PHF7: variants seen among roughly 807,000 people sequenced by gnomAD.
The protein encoded by PHF7 is E3 ubiquitin-protein ligase PHF7.
PHF7 carries 24 observed loss-of-function variants against 47.5 expected under a neutral mutation model. That is an observed-to-expected ratio of 0.51 (90% CI 0.37 to 0.71). The LOEUF is 0.71. Among genes scored for constraint, PHF7 ranks in the 30% least tolerant of loss-of-function variants. PHF7 has a pLI of 0.00. For synonymous variants in PHF7, 156 were observed against 153.8 expected (o/e 1.01, Z -0.11); for missense variants, 361 against 456.8 (o/e 0.79, Z 1.91).
intron 7 of PHF7, 115 bp from the exon 8 acceptor site, chr3:52,421,533 C>A (rs1705790350): frequency 1.4e-6 from 1 of 713,282 alleles, no homozygotes; most frequent in African/African-American, 1.8e-5. Flanking sequence ...ACTCCTTTTC[C>A]TGTACCCTCA....
At chr3:52,420,677 G>A (rs1325822777) in intron 6 of PHF7, among the ~76,000 whole-genome samples, 2 of 152,148 alleles carry the variant, frequency 1.3e-5, no homozygotes. Context: ...AGCACTAAGT[G>A]GGGCTTTCAG....
intron 4 of PHF7, among the ~76,000 whole-genome samples, chr3:52,419,405 A>G (rs2153229122): frequency 6.6e-6 from 1 of 151,714 alleles, no homozygotes; most frequent in South Asian, 2.1e-4. Context: ...CTGTCAATGC[A>G]TATATATTCC....
At chr3:52,422,728 T>A in intron 9 of PHF7, 32 bp from the exon 10 acceptor site, 1 of 1,613,230 alleles carries the variant, frequency 6.2e-7, no homozygotes, top group South Asian at 1.1e-5. Flanking sequence ...GTTCTGTATG[T>A]CTCCACAACC....
intron 3 of PHF7, 82 bp from the exon 4 acceptor site, chr3:52,414,414 T>TA (rs747887793): frequency 1.2e-6 from 1 of 826,386 alleles, no homozygotes; most frequent in Non-Finnish European, 2.1e-6. Context: ...CTTCCTGACT[T>TA]AGAGGAATGG....
At chr3:52,413,881 T>TTTAGA in intron 2 of PHF7, 115 bp from the exon 3 acceptor site, 1 of 722,536 alleles carries the variant, frequency 1.4e-6, no homozygotes, top group South Asian at 1.6e-5. Flanking sequence ...TGTCTTAGGC[T>TTTAGA]TTAGATATGT....
At chr3:52,416,648 C>T (rs1174754428) in intron 4 of PHF7, among the ~76,000 whole-genome samples, 1 of 151,404 alleles carries the variant, frequency 6.6e-6, no homozygotes, top group Non-Finnish European at 1.5e-5. Flanking sequence ...TCCTGGCTAA[C>T]ACGGTGAAAC....
rs1193170344 is a variant in PHF7 at position 52,420,426 on chromosome 3, G to A, written c.404G>A (p.Gly135Glu). ...QERGCLSQFF[G>E]EYKSFCDKHR... is the part of the protein sequence containing the mutation. ...AGGGGTTGCCTTTCACAATTTTTTGGAGAGTACAAGTGAGTGAGGGAAGGG... is the reference window on the plus strand; with the variant it reads ...AGGGGTTGCCTTTCACAATTTTTTGAAGAGTACAAGTGAGTGAGGGAAGGG... Residue 135 changes from glycine to glutamate, a missense_variant, in exon 6 of 11, where the codon GGA becomes GAA. Gly to Glu is a moderately conservative substitution (Grantham distance 98, BLOSUM62 -2). Coordinates refer to ENST00000327906, the MANE Select transcript of PHF7 (RefSeq NM_016483.7). 12 of 1,614,174 alleles carry A rather than the reference G, an allele frequency of 7.4e-6. No homozygotes were observed. The highest frequency in any genetic ancestry group is 1.0e-5 in the Non-Finnish European group (12 of 1,180,012).
intron 4 of PHF7, 44 bp from the exon 5 acceptor site, chr3:52,419,789 C>A: frequency 9.2e-7 from 1 of 1,086,204 alleles, no homozygotes; most frequent in Non-Finnish European, 1.4e-6. Flanking sequence ...TGCACTGTTT[C>A]ACTGATCATC....
chr3:52,418,521 T>C (rs961310771), intron 4 of PHF7, among the ~76,000 whole-genome samples: 24 of 152,190 alleles, frequency 1.6e-4, no homozygotes, highest in African/African-American at 5.5e-4. Flanking sequence ...TTTTAAAATA[T>C]GTGTTTCAAA....
chr3:52,422,942 C>T, intron 10 of PHF7, 61 bp downstream of exon 10: 1 of 1,605,800 alleles, frequency 6.2e-7, no homozygotes, highest in South Asian at 1.1e-5. Flanking sequence ...ACTTGTGGTG[C>T]CTGGGAAAGG....
At position 52,423,212 on chromosome 3, in the gene PHF7, A is replaced by C; in HGVS notation, c.1041A>C (p.Pro347=). The C allele has an allele frequency of 6.2e-7, 1 of 1,614,008 alleles. No individual in the cohort carries two copies. ...CGGGCCTTTCTTGGACTGATTGGCC[A>C]GAACCTTCCTTATTAGAAAAGCCAG... ...ENPGLSWTDW[P]EPSLLEKPES... The change falls in exon 11 of 11, where the codon CCA becomes CCC. Residue 347 remains proline (P), a synonymous_variant. Transcript: ENST00000327906.
intron 4 of PHF7, among the ~76,000 whole-genome samples, chr3:52,416,006 T>C (rs1024803956): frequency 1.3e-5 from 2 of 152,216 alleles, no homozygotes; most frequent in Non-Finnish European, 2.9e-5. Flanking sequence ...TACCAGCAAT[T>C]TATAAGAAGT....
chr3:52,418,560 A>C (rs1309665130), intron 4 of PHF7, among the ~76,000 whole-genome samples: 2 of 152,222 alleles, frequency 1.3e-5, no homozygotes, highest in Non-Finnish European at 2.9e-5. Flanking sequence ...ATAATACAGA[A>C]CAACAACAAT....
Position 52,421,707 on chromosome 3 carries a change from A to C in PHF7, c.633A>C (p.Lys211Asn). 1 of 1,609,508 alleles carries C rather than the reference A, an allele frequency of 6.2e-7. No homozygotes were observed. Among genetic ancestry groups the C allele is most frequent in the Non-Finnish European group, 8.5e-7 (1 of 1,175,782 alleles). Residue 211 changes from lysine to asparagine, a missense_variant, in exon 8 of 11, where the codon AAA becomes AAC. Physicochemically the swap from Lys to Asn is moderately conservative, Grantham distance 94 (BLOSUM62 0). Transcript: ENST00000327906. ...AATGTCCACAGTGTAACAATCGAAA[A>C]GAGTTTCCTCAAGAAATGCTGAGAA... Reference protein sequence around the residue: ...FFKCPQCNNRKEFPQEMLRMG... With the variant: ...FFKCPQCNNRNEFPQEMLRMG...
At chr3:52,417,860 T>C (rs1705669678) in intron 4 of PHF7, among the ~76,000 whole-genome samples, 1 of 152,220 alleles carries the variant, frequency 6.6e-6, no homozygotes, top group Non-Finnish European at 1.5e-5. Flanking sequence ...GTTCCCAACA[T>C]CAGGGGACAG....
chr3:52,412,767 A>C, intron 1 of PHF7, 44 bp from the exon 2 acceptor site: 4 of 873,704 alleles, frequency 4.6e-6, no homozygotes, highest in Non-Finnish European at 5.5e-6. Flanking sequence ...TTGATAACCA[A>C]ATACAGAATT....
chr3:52,419,519 C>T (rs1248064427), intron 4 of PHF7, among the ~76,000 whole-genome samples: 2 of 151,868 alleles, frequency 1.3e-5, no homozygotes, highest in African/African-American at 2.4e-5. Context: ...AAGCTCCACC[C>T]TCTCGGGTTC....
intron 4 of PHF7, among the ~76,000 whole-genome samples, chr3:52,418,639 G>C (rs938785598): frequency 1.3e-5 from 2 of 152,068 alleles, no homozygotes; most frequent in Admixed American, 1.3e-4. Flanking sequence ...TGTACTAAGA[G>C]GTGATGCAGC....
intron 4 of PHF7, among the ~76,000 whole-genome samples, chr3:52,417,371 G>T (rs1488018736): frequency 6.6e-6 from 1 of 151,946 alleles, no homozygotes; most frequent in Admixed American, 6.6e-5. Flanking sequence ...GAATTTATAG[G>T]TCAATTTGGG....
Sources: gnomAD v4.1 joint callset for allele counts (sites outside exome capture counted in the v4.1 genomes callset) on GRCh38, gnomAD v4.1.1 for gene constraint, MANE v1.5 for transcripts, NCBI Gene and HGNC (gene_info 2026-07-23, HGNC 2026-07-21) for gene names.